Variants in NEBL observed in about 807,000 individuals in gnomAD.
NEBL encodes LIM and SH3 protein 2.
In NEBL, 122 loss-of-function variants were observed where a neutral mutation model predicts 140.2. The ratio of observed to expected loss-of-function variants is 0.87; its 90% CI spans 0.75 to 1.01. The LOEUF (loss-of-function observed/expected upper bound fraction) is 1.01, where lower values mean the gene tolerates loss of function less well. Among genes scored for constraint, NEBL ranks in the 50% least tolerant of loss-of-function variants. The pLI is 0.00. For synonymous variants in NEBL, 436 were observed against 398.9 expected (o/e 1.09, Z -1.11); for missense variants, 1,365 against 1,231.3 (o/e 1.11, Z -1.62).
intron 2 of NEBL, among the ~76,000 whole-genome samples, chr10:21,023,386 C>T (rs1838879994): frequency 6.6e-6 from 1 of 152,104 alleles, no homozygotes; most frequent in Non-Finnish European, 1.5e-5. Context: ...CCTTCTTCTG[C>T]CATTTACCTT....
chr10:20,972,572 G>A (rs1836623031), intron 3 of NEBL, among the ~76,000 whole-genome samples: 1 of 151,954 alleles, frequency 6.6e-6, no homozygotes, highest in African/African-American at 2.4e-5. Flanking sequence ...GTGAAACCCT[G>A]TCTCTACTAA....
intron 1 of NEBL, among the ~76,000 whole-genome samples, chr10:21,277,200 ATTTC>A (rs1246979596): frequency 6.9e-6 from 1 of 144,026 alleles, no homozygotes; most frequent in African/African-American, 2.7e-5. Context: ...TGCACCAAAT[ATTTC>A]TTTCTTTTTT....
At chr10:21,029,352 A>G in intron 2 of NEBL, 1 of 1,611,572 alleles carries the variant, frequency 6.2e-7, no homozygotes, top group Non-Finnish European at 8.5e-7. Flanking sequence ...TCTTTAGAGG[A>G]TTAATTATCA....
intron 3 of NEBL, among the ~76,000 whole-genome samples, chr10:20,996,054 G>A (rs1166601067): frequency 1.3e-5 from 2 of 152,150 alleles, no homozygotes; most frequent in South Asian, 2.1e-4. Flanking sequence ...AAGGTTTAGA[G>A]AACAGCGCGT....
intron 10 of NEBL, 45 bp downstream of exon 10, chr10:20,852,500 G>T: frequency 7.4e-7 from 1 of 1,351,920 alleles, no homozygotes; most frequent in South Asian, 1.2e-5. Flanking sequence ...GGATGGTTAC[G>T]GGTTGCTGGC....
intron 4 of NEBL, among the ~76,000 whole-genome samples, chr10:20,883,828 A>G (rs1846228489): frequency 1.3e-5 from 2 of 152,228 alleles, no homozygotes; most frequent in African/African-American, 4.8e-5. Context: ...CAGCATTAAC[A>G]TCGTCATTTC....
At chr10:20,913,262 A>G (rs1365065904) in intron 4 of NEBL, among the ~76,000 whole-genome samples, 1 of 152,146 alleles carries the variant, frequency 6.6e-6, no homozygotes, top group African/African-American at 2.4e-5. Flanking sequence ...ACAATTTTGA[A>G]AGGCACCTGC....
chr10:21,113,133 A>AGAG (rs1326092581), intron 2 of NEBL: 2 of 271,300 alleles, frequency 7.4e-6, no homozygotes, highest in South Asian at 4.0e-5. Context: ...GGAGGAGGGA[A>AGAG]GAGGAGGAGG....
intron 1 of NEBL, among the ~76,000 whole-genome samples, chr10:21,278,995 C>A (rs574647982): frequency 3.3e-5 from 5 of 152,270 alleles, no homozygotes; most frequent in South Asian, 2.1e-4. Flanking sequence ...ATAGCCCCAG[C>A]GCCATGAAGA....
At chr10:20,826,320 G>GA in intron 18 of NEBL, 127 bp downstream of exon 18, 1 of 777,866 alleles carries the variant, frequency 1.3e-6, no homozygotes. Flanking sequence ...GATATATGAT[G>GA]AAATAGCATT....
At chr10:21,175,615 T>C (rs1841280843), upstream of NEBL, among the ~76,000 whole-genome samples, 2 of 152,260 alleles carry the variant, frequency 1.3e-5, no homozygotes, top group South Asian at 2.1e-4. Context: ...TGTTTGACTT[T>C]CCAGAAGATG....
chr10:20,865,210 T>C (rs933327877), intron 7 of NEBL, among the ~76,000 whole-genome samples: 1 of 151,826 alleles, frequency 6.6e-6, no homozygotes, highest in Non-Finnish European at 1.5e-5. Context: ...TGAATTCATC[T>C]AAAAATGTAG....
At chr10:20,815,842 C>A in intron 21 of NEBL, 125 bp from the exon 22 acceptor site, 1 of 739,502 alleles carries the variant, frequency 1.4e-6, no homozygotes, top group South Asian at 1.5e-5. Context: ...AATCTTTGCT[C>A]ACCACAGCCT....
At chr10:20,924,453 T>C (rs1394315832) in intron 4 of NEBL, among the ~76,000 whole-genome samples, 1 of 144,588 alleles carries the variant, frequency 6.9e-6, no homozygotes, top group Non-Finnish European at 1.5e-5. Flanking sequence ...ACACCTTTCC[T>C]TTGCTTTGCA....
Position 20,955,695 on chromosome 10 carries a change from G to C in NEBL, c.357+5977C>G, listed in dbSNP as rs552732150. 2.6e-5 allele frequency among the ~76,000 whole-genome samples: 4 copies of C among 152,092 alleles called. No homozygotes were observed. In the East Asian group the frequency reaches 7.7e-4, roughly 29 times the overall value. On this transcript the variant is annotated intron_variant, in intron 4 of 6. Coordinates refer to the NEBL transcript ENST00000417816. ...AGTGGGTCATAATTAGGGTCTTGAT[G>C]AAAGAGATATTTTAGAACACCTCAT...
chr10:20,976,939 A>T (rs1020984396), intron 3 of NEBL, among the ~76,000 whole-genome samples: 1 of 151,246 alleles, frequency 6.6e-6, no homozygotes, highest in East Asian at 1.9e-4. Flanking sequence ...AAAAAAAAAA[A>T]GTGCTTCAGG....
intron 4 of NEBL, among the ~76,000 whole-genome samples, chr10:20,936,383 T>A (rs1378441567): frequency 1.3e-5 from 2 of 152,234 alleles, no homozygotes; most frequent in Non-Finnish European, 2.9e-5. Context: ...TCAAATCAGC[T>A]GTTTATGCCT....
At position 21,137,135 on chromosome 10, in the gene NEBL, C is replaced by G. The variant is rs141602984; in HGVS notation, c.164+35248G>C. Among the ~76,000 whole-genome samples, 821 of 152,304 alleles carry G rather than the reference C, an allele frequency of 5.4e-3. 10 individuals are homozygous for G. The highest frequency in any genetic ancestry group is 0.037 in the South Asian group (180 of 4,826). On this transcript the variant is annotated intron_variant, in intron 2 of 6. Coordinates refer to the NEBL transcript ENST00000417816. Reference sequence around the variant, plus strand: ...GTAGATATGGGTCTTAGTCCTGACTCTATCACTTACTGGCCATGTGACTCT... The same window carrying G: ...GTAGATATGGGTCTTAGTCCTGACTGTATCACTTACTGGCCATGTGACTCT...
intron 3 of NEBL, among the ~76,000 whole-genome samples, chr10:21,220,586 G>A (rs954309489): frequency 5.9e-5 from 9 of 152,102 alleles, no homozygotes; most frequent in African/African-American, 2.2e-4. Context: ...ACATTGATCT[G>A]GACAATGATT....
Sources: gnomAD v4.1 joint callset for allele counts (sites outside exome capture counted in the v4.1 genomes callset) on GRCh38, gnomAD v4.1.1 for gene constraint, MANE v1.5 for transcripts, NCBI Gene and HGNC (gene_info 2026-07-23, HGNC 2026-07-21) for gene names.